ZC3H12B: variants seen among roughly 807,000 people sequenced by gnomAD.
ZC3H12B encodes probable ribonuclease ZC3H12B.
Under a neutral mutation model 43.9 loss-of-function variants are expected in ZC3H12B, and 7 were observed. That is an observed-to-expected ratio of 0.16 (90% CI 0.09 to 0.30). The LOEUF is 0.30. Among genes scored for constraint, ZC3H12B ranks in the 10% least tolerant of loss-of-function variants. The probability of loss-of-function intolerance (pLI) is 1.00; values close to 1 mark genes in which losing one functional copy is unlikely to be tolerated. For synonymous variants in ZC3H12B, 222 were observed against 241.7 expected, an observed-to-expected ratio of 0.92 and a Z score of 0.76; for missense variants, 475 against 670.2, an observed-to-expected ratio of 0.71 and a Z score of 3.22.
At chrX:65,098,308 CAA>C in the ZC3H12B span, among the ~76,000 whole-genome samples, 3 of 108,664 alleles carry the variant, frequency 2.8e-5, no homozygotes, top group African/African-American at 1.0e-4. Context: ...AAATAACAAT[CAA>C]GAGATATTAA....
chrX:65,461,770 T>C (rs1602487703), intron 3 of ZC3H12B, among the ~76,000 whole-genome samples: 1 of 110,896 alleles, frequency 9.0e-6, no homozygotes, highest in African/African-American at 3.3e-5. Context: ...TGTTAATGGG[T>C]GTAGCACACA....
chrX:65,144,133 GA>G, the ZC3H12B span, among the ~76,000 whole-genome samples: 1 of 111,330 alleles, frequency 9.0e-6, no homozygotes, highest in South Asian at 3.7e-4. Flanking sequence ...CTAGTCTTGG[GA>G]TTTTTTTGTT....
the ZC3H12B span, among the ~76,000 whole-genome samples, chrX:65,138,066 G>A: frequency 8.9e-6 from 1 of 112,032 alleles, no homozygotes; most frequent in East Asian, 2.8e-4. Context: ...CTGACCTCAG[G>A]CAATCCTCCC....
At chrX:65,178,655 A>G in the ZC3H12B span, among the ~76,000 whole-genome samples, 1 of 112,765 alleles carries the variant, frequency 8.9e-6, no homozygotes, top group Non-Finnish European at 1.9e-5. Flanking sequence ...GAAACATATG[A>G]AGAAAAGCTC....
the ZC3H12B span, among the ~76,000 whole-genome samples, chrX:65,089,579 A>G: frequency 8.9e-6 from 1 of 111,741 alleles, no homozygotes; most frequent in Non-Finnish European, 1.9e-5. Flanking sequence ...TACTAAATTT[A>G]TTAAAAATAT....
chrX:65,461,386 A>G (rs772379170), intron 3 of ZC3H12B, among the ~76,000 whole-genome samples: 1 of 112,498 alleles, frequency 8.9e-6, no homozygotes, highest in African/African-American at 3.2e-5. Context: ...TCATGCTGCT[A>G]TAAAACCCAT....
At chrX:65,491,470 G>A (rs910193517) in intron 1 of ZC3H12B, among the ~76,000 whole-genome samples, 2 of 111,111 alleles carry the variant, frequency 1.8e-5, no homozygotes, top group African/African-American at 3.3e-5. Context: ...ACATTGGGAA[G>A]CCGAGGTGGG....
At chrX:65,211,227 T>A in the ZC3H12B span, among the ~76,000 whole-genome samples, 4 of 109,537 alleles carry the variant, frequency 3.7e-5, no homozygotes, top group Non-Finnish European at 3.8e-5. Flanking sequence ...GATGGATAGA[T>A]TGCGAAAATT....
At chrX:65,242,120 G>A in the ZC3H12B span, among the ~76,000 whole-genome samples, 2 of 110,476 alleles carry the variant, frequency 1.8e-5, no homozygotes, top group African/African-American at 3.3e-5. Context: ...ACTTTGGGTC[G>A]GTGCCACTCC....
At chrX:65,209,798 A>G in the ZC3H12B span, among the ~76,000 whole-genome samples, 7 of 101,489 alleles carry the variant, frequency 6.9e-5, no homozygotes. Flanking sequence ...GACAAACCTG[A>G]GAAAAACAAG....
the ZC3H12B span, among the ~76,000 whole-genome samples, chrX:65,071,372 C>G: frequency 9.6e-6 from 1 of 104,193 alleles, no homozygotes; most frequent in South Asian, 4.4e-4. Flanking sequence ...AGATGGGTCT[C>G]TTGAAAACAC....
intron 3 of ZC3H12B, among the ~76,000 whole-genome samples, chrX:65,465,503 G>A (rs2067806169): frequency 5.4e-5 from 6 of 110,608 alleles, no homozygotes; most frequent in Admixed American, 3.9e-4. Flanking sequence ...TTAACCTATA[G>A]TATGTCTGTT....
the ZC3H12B span, among the ~76,000 whole-genome samples, chrX:65,207,009 T>A: frequency 1.5e-3 from 156 of 104,364 alleles, no homozygotes; most frequent in Middle Eastern, 1.0e-2. Context: ...AAAAAAAAAA[T>A]AATATTGGTG....
chrX:65,121,076 A>G, the ZC3H12B span, among the ~76,000 whole-genome samples: 7 of 111,243 alleles, frequency 6.3e-5, no homozygotes, highest in Non-Finnish European at 1.1e-4. Context: ...GGATTTTTGC[A>G]TCAATGTTCA....
chrX:65,070,436 A>T, the ZC3H12B span, among the ~76,000 whole-genome samples: 2 of 107,953 alleles, frequency 1.9e-5, no homozygotes, highest in African/African-American at 3.4e-5. Flanking sequence ...AATCTCCTTT[A>T]TTTCACTTCT....
chrX:65,284,143 C>T, the ZC3H12B span, among the ~76,000 whole-genome samples: 190 of 108,349 alleles, frequency 1.8e-3, 1 homozygote, highest in African/African-American at 6.0e-3. Context: ...CCAGCCATTA[C>T]CATAGATTCA....
At chrX:65,310,885 A>G in the ZC3H12B span, among the ~76,000 whole-genome samples, 1 of 112,376 alleles carries the variant, frequency 8.9e-6, no homozygotes, top group African/African-American at 3.2e-5. Context: ...TGACAAAAAC[A>G]AGAAATGGGG....
the ZC3H12B span, among the ~76,000 whole-genome samples, chrX:65,119,117 C>T: frequency 1.8e-5 from 2 of 111,357 alleles, no homozygotes; most frequent in Non-Finnish European, 3.8e-5. Flanking sequence ...CATACGTGTG[C>T]ATGTGTCTTT....
chrX:65,192,245 T>G, the ZC3H12B span, among the ~76,000 whole-genome samples: 1 of 111,038 alleles, frequency 9.0e-6, no homozygotes, highest in Non-Finnish European at 1.9e-5. Flanking sequence ...TTGGAATAGG[T>G]GTGGTGTGGT....
Sources: allele counts gnomAD v4.1 joint callset (sites outside exome capture counted in the v4.1 genomes callset), GRCh38; gene constraint gnomAD v4.1.1; transcripts MANE v1.5; gene names NCBI Gene and HGNC (gene_info 2026-07-23, HGNC 2026-07-21).